Variants in MYOF observed in about 807,000 individuals in gnomAD.
MYOF encodes fer-1-like 3, myoferlin.
In MYOF, 244 loss-of-function variants were observed where a neutral mutation model predicts 284.2. The ratio of observed to expected loss-of-function variants is 0.86; its 90% CI spans 0.77 to 0.95. The LOEUF is 0.95. Ranked by LOEUF, MYOF falls within the 40% of genes least tolerant of loss-of-function variation. MYOF has a pLI of 0.00. For synonymous variants in MYOF, 904 were observed against 919.7 expected (o/e 0.98, Z 0.31); for missense variants, 2,496 against 2,560.6 (o/e 0.97, Z 0.54).
intron 3 of MYOF, among the ~76,000 whole-genome samples, chr10:93,449,529 G>T (rs999368196): frequency 5.9e-5 from 9 of 152,228 alleles, no homozygotes; most frequent in African/African-American, 2.2e-4. Context: ...ACTGGCTTTT[G>T]GGAGTTGGGG....
intron 53 of MYOF, among the ~76,000 whole-genome samples, chr10:93,309,508 T>G (rs935137103): frequency 6.6e-6 from 1 of 152,016 alleles, no homozygotes; most frequent in Non-Finnish European, 1.5e-5. Context: ...TAGATAAATG[T>G]GGACAGAGAA....
chr10:93,349,308 C>A (rs1407275428), intron 36 of MYOF, among the ~76,000 whole-genome samples: 1 of 152,146 alleles, frequency 6.6e-6, no homozygotes, highest in Non-Finnish European at 1.5e-5. Context: ...CTCAATGGAC[C>A]AAAGAAGGTG....
At chr10:93,401,379 TAATC>T in intron 12 of MYOF, 35 bp downstream of exon 12, 1 of 1,607,936 alleles carries the variant, frequency 6.2e-7, no homozygotes, top group Non-Finnish European at 8.5e-7. Context: ...ATCACACACA[TAATC>T]AACAATTCTG....
At chr10:93,462,536 T>A (rs1290878951) in intron 1 of MYOF, among the ~76,000 whole-genome samples, 2 of 152,122 alleles carry the variant, frequency 1.3e-5, no homozygotes, top group Non-Finnish European at 2.9e-5. Context: ...CCAGGTCTAG[T>A]ATGACTCCTG....
At position 93,320,022 on chromosome 10, in the gene MYOF, C is replaced by T. The variant is rs1231742695; in HGVS notation, c.5457-9G>A. ...CATTGCCAGGAATCCAGCTGAAAGG[C>T]AGAGGCAAACAGACTTAGCTTCACG... On this transcript the variant is annotated splice_polypyrimidine_tract_variant and intron_variant, in intron 48 of 53. Coordinates refer to ENST00000359263, the MANE Select transcript of MYOF (RefSeq NM_013451.4). 6.2e-7 allele frequency: 1 copy of T among 1,613,968 alleles called. No individual in the cohort carries two copies. Among genetic ancestry groups the T allele is most frequent in the Non-Finnish European group, 8.5e-7 (1 of 1,179,882 alleles).
At chr10:93,309,279 G>A (rs1842278370) in intron 53 of MYOF, among the ~76,000 whole-genome samples, 1 of 152,052 alleles carries the variant, frequency 6.6e-6, no homozygotes. Flanking sequence ...ACTGCTCTTG[G>A]GCACAAATCA....
At chr10:93,360,777 G>T (rs144061338) in intron 28 of MYOF, among the ~76,000 whole-genome samples, 63 of 152,278 alleles carry the variant, frequency 4.1e-4, no homozygotes, top group Non-Finnish European at 7.1e-4. Flanking sequence ...TCTTTTCTGC[G>T]TCAGGGGGGC....
intron 46 of MYOF, chr10:93,323,614 G>T: frequency 4.3e-6 from 2 of 468,100 alleles, no homozygotes; most frequent in African/African-American, 1.9e-5. Context: ...TCATAGTCTG[G>T]GTCTCGCCTG....
intron 3 of MYOF, among the ~76,000 whole-genome samples, chr10:93,437,721 C>A (rs1441327602): frequency 6.6e-6 from 1 of 152,180 alleles, no homozygotes; most frequent in African/African-American, 2.4e-5. Flanking sequence ...GAAGCAGGGG[C>A]TCTCAGTTGG....
At chr10:93,447,664 A>G (rs61867763) in intron 3 of MYOF, among the ~76,000 whole-genome samples, 28,085 of 152,136 alleles carry the variant, frequency 0.18, 3,074 homozygotes, top group Middle Eastern at 0.27. Context: ...CTCGTTCGCC[A>G]GCTAATAAAG....
At chr10:93,382,587 G>C (rs1034876114) in intron 19 of MYOF, among the ~76,000 whole-genome samples, 10 of 152,150 alleles carry the variant, frequency 6.6e-5, no homozygotes, top group Non-Finnish European at 1.0e-4. Flanking sequence ...GTGCCTATCA[G>C]CCTACCAGAA....
At chr10:93,396,898 A>C (rs1847037643) in intron 15 of MYOF, among the ~76,000 whole-genome samples, 1 of 152,190 alleles carries the variant, frequency 6.6e-6, no homozygotes, top group Non-Finnish European at 1.5e-5. Flanking sequence ...ATAACAATGA[A>C]TTGCTCTCAG....
Position 93,452,022 on chromosome 10 carries a change from A to G in MYOF, c.236+28T>C, listed in dbSNP as rs550559818. The stretch of plus-strand genomic sequence containing the variant: ...CAACAGTGAGATAGTAATACCTAAA[A>G]TGAGAAAAACAGGTGAAAACAACTT... On this transcript the variant is annotated intron_variant, in intron 3 of 53. Transcript: ENST00000359263. 112 of 1,499,600 alleles carry G rather than the reference A, an allele frequency of 7.5e-5. No individual in the cohort carries two copies. The South Asian group carries it at 1.2e-3, about 16-fold the overall frequency. The allele number at this position is 1,499,600 out of a possible 1,614,324, so 92.9% of individuals were successfully genotyped here.
At chr10:93,331,703 C>T (rs10786087) in intron 43 of MYOF, among the ~76,000 whole-genome samples, 19 of 31,836 alleles carry the variant, frequency 6.0e-4, no homozygotes, top group Middle Eastern at 0.016. Context: ...ATGCGGGGGG[C>T]GTAGGGGGGG....
chr10:93,357,365 T>C (rs1247430678), intron 29 of MYOF, among the ~76,000 whole-genome samples: 2 of 152,230 alleles, frequency 1.3e-5, no homozygotes, highest in Non-Finnish European at 2.9e-5. Flanking sequence ...AACAAATTCG[T>C]GTGGTACTTT....
intron 5 of MYOF, among the ~76,000 whole-genome samples, chr10:93,424,273 T>A (rs1406764031): frequency 6.6e-6 from 1 of 152,118 alleles, no homozygotes; most frequent in African/African-American, 2.4e-5. Flanking sequence ...AGATAGCCCA[T>A]CAATGAGGGC....
chr10:93,402,794 G>T, intron 10 of MYOF, 66 bp downstream of exon 10: 1 of 1,421,814 alleles, frequency 7.0e-7, no homozygotes, highest in South Asian at 1.2e-5. Context: ...TTGATTCTTA[G>T]AATCATCTTC....
At chr10:93,445,757 C>T (rs1473741034) in intron 3 of MYOF, among the ~76,000 whole-genome samples, 2 of 152,202 alleles carry the variant, frequency 1.3e-5, no homozygotes, top group Admixed American at 6.5e-5. Context: ...CGGGGAGCAG[C>T]AGATGCAAAG....
intron 5 of MYOF, among the ~76,000 whole-genome samples, chr10:93,423,509 G>C (rs1848441386): frequency 9.1e-6 from 1 of 110,300 alleles, no homozygotes; most frequent in Admixed American, 1.3e-4. Context: ...CTAGATGACA[G>C]AGCAAGACTC....
Sources: gnomAD v4.1 joint callset for allele counts (sites outside exome capture counted in the v4.1 genomes callset) on GRCh38, gnomAD v4.1.1 for gene constraint, MANE v1.5 for transcripts, NCBI Gene and HGNC (gene_info 2026-07-23, HGNC 2026-07-21) for gene names.